The following KCNMB2 variants were observed in gnomAD, a reference collection of about 807,000 sequenced individuals.
KCNMB2 encodes the protein potassium calcium-activated channel subfamily M regulatory beta subunit 2.
A neutral mutation model predicts 24.5 loss-of-function variants in KCNMB2; 9 were observed. That is an observed-to-expected ratio of 0.37 (90% CI 0.22 to 0.64). The LOEUF is 0.64. Ranked by LOEUF, KCNMB2 falls within the 30% of genes least tolerant of loss-of-function variation. The probability of loss-of-function intolerance (pLI) is 0.63; values close to 1 mark genes in which losing one functional copy is unlikely to be tolerated. For missense variants in KCNMB2, 226 were observed against 284.3 expected (o/e 0.79, Z 1.47); for synonymous variants, 109 against 104.4 (o/e 1.04, Z -0.27).
intron 1 of KCNMB2, among the ~76,000 whole-genome samples, chr3:178,585,562 T>A (rs1044237759): frequency 6.6e-6 from 1 of 152,166 alleles, no homozygotes; most frequent in Non-Finnish European, 1.5e-5. Context: ...GGAAACAGAT[T>A]CCATGATCAG....
chr3:178,741,750 T>A (rs1439936388), intron 1 of KCNMB2, among the ~76,000 whole-genome samples: 1 of 152,232 alleles, frequency 6.6e-6, no homozygotes, highest in Non-Finnish European at 1.5e-5. Flanking sequence ...CCCAGCCTAG[T>A]GTGTAGTCTG....
intron 1 of KCNMB2, among the ~76,000 whole-genome samples, chr3:178,699,378 T>A (rs1411728207): frequency 2.0e-5 from 3 of 152,102 alleles, no homozygotes; most frequent in African/African-American, 7.2e-5. Flanking sequence ...GGCAAAGTAA[T>A]GCAAAACCCA....
chr3:178,588,147 G>GC (rs1323765937), intron 1 of KCNMB2, among the ~76,000 whole-genome samples: 9 of 151,970 alleles, frequency 5.9e-5, no homozygotes, highest in Non-Finnish European at 1.3e-4. Flanking sequence ...AGGTAACAGA[G>GC]CACCTGTACA....
intron 1 of KCNMB2, among the ~76,000 whole-genome samples, chr3:178,599,760 G>A (rs1029007238): frequency 1.3e-5 from 2 of 152,014 alleles, no homozygotes; most frequent in Non-Finnish European, 2.9e-5. Context: ...CACACAACTC[G>A]TTTCCCTCTC....
At chr3:178,828,491 T>C in intron 4 of KCNMB2, 118 bp downstream of exon 4, 1 of 671,316 alleles carries the variant, frequency 1.5e-6, no homozygotes. Context: ...AAGCAGAGCC[T>C]GCCTCTTCCA....
At chr3:178,767,800 G>T (rs550268707) in intron 1 of KCNMB2, among the ~76,000 whole-genome samples, 1 of 152,212 alleles carries the variant, frequency 6.6e-6, no homozygotes, top group East Asian at 1.9e-4. Context: ...CTCATTCAAG[G>T]CCAACCTGAC....
At chr3:178,574,402 T>C (rs1716916791) in intron 1 of KCNMB2, among the ~76,000 whole-genome samples, 1 of 152,252 alleles carries the variant, frequency 6.6e-6, no homozygotes, top group African/African-American at 2.4e-5. Flanking sequence ...TCTTTGCCTT[T>C]TAAGTATTTC....
chr3:178,610,645 T>C (rs1187961708), intron 1 of KCNMB2, among the ~76,000 whole-genome samples: 1 of 152,246 alleles, frequency 6.6e-6, no homozygotes, highest in Non-Finnish European at 1.5e-5. Context: ...AATAGTTTTC[T>C]TGTGGAGTCT....
At chr3:178,553,498 T>C (rs1470018385) in intron 1 of KCNMB2, among the ~76,000 whole-genome samples, 1 of 150,468 alleles carries the variant, frequency 6.6e-6, no homozygotes, top group African/African-American at 2.4e-5. Flanking sequence ...GGAATGTCAC[T>C]CAGCACTGAG....
At chr3:178,559,412 A>C (rs1025949804) in intron 1 of KCNMB2, among the ~76,000 whole-genome samples, 3 of 152,188 alleles carry the variant, frequency 2.0e-5, no homozygotes, top group African/African-American at 7.2e-5. Flanking sequence ...CAAGTATTTT[A>C]CTATGAGAAT....
intron 1 of KCNMB2, among the ~76,000 whole-genome samples, chr3:178,760,411 A>ATT (rs1229131681): frequency 7.1e-6 from 1 of 140,588 alleles, no homozygotes; most frequent in Non-Finnish European, 1.5e-5. Context: ...AGATATATAT[A>ATT]TTATATATAT....
At chr3:178,542,668 G>T (rs1008904213) in intron 1 of KCNMB2, among the ~76,000 whole-genome samples, 3 of 152,112 alleles carry the variant, frequency 2.0e-5, no homozygotes, top group Non-Finnish European at 4.4e-5. Flanking sequence ...AGAATCTAAA[G>T]AATAGAATTT....
intron 1 of KCNMB2, among the ~76,000 whole-genome samples, chr3:178,744,531 T>C (rs1242620534): frequency 6.6e-6 from 1 of 152,216 alleles, no homozygotes; most frequent in African/African-American, 2.4e-5. Flanking sequence ...AGGTGGATGA[T>C]GGTGACCAAA....
intron 1 of KCNMB2, among the ~76,000 whole-genome samples, chr3:178,738,285 C>T (rs954747272): frequency 3.3e-5 from 5 of 152,158 alleles, no homozygotes; most frequent in African/African-American, 7.2e-5. Flanking sequence ...TCCCAGCCAC[C>T]GGCATCTCCA....
intron 1 of KCNMB2, among the ~76,000 whole-genome samples, chr3:178,732,267 G>A (rs1723177692): frequency 1.3e-5 from 2 of 152,266 alleles, no homozygotes; most frequent in South Asian, 2.1e-4. Context: ...CTAATCTACA[G>A]TAGGTTTTTA....
intron 1 of KCNMB2, among the ~76,000 whole-genome samples, chr3:178,581,935 T>C (rs1717222749): frequency 1.3e-5 from 2 of 152,216 alleles, no homozygotes; most frequent in South Asian, 4.1e-4. Flanking sequence ...AGTTCAACCA[T>C]TGTGGAAGAC....
At chr3:178,790,839 C>G (rs1237864219) in intron 1 of KCNMB2, among the ~76,000 whole-genome samples, 1 of 152,168 alleles carries the variant, frequency 6.6e-6, no homozygotes, top group Non-Finnish European at 1.5e-5. Flanking sequence ...ACTTCTACTG[C>G]ATCTTACCAA....
In KCNMB2 at chr3:178,603,570, GA is replaced by G. The variant is rs1363010412; in HGVS notation, c.-68+66860del. On this transcript the variant is annotated intron_variant, in intron 1 of 4. Coordinates refer to ENST00000452583, the MANE Select transcript of KCNMB2 (RefSeq NM_181361.3). ...TGCTCAAGAAATGAACAGAATAGAA[GA>G]GAACATTTCCAGGAGGAGATGATGC... is the stretch of plus-strand genomic sequence containing the variant. Among the ~76,000 whole-genome samples, 12 of 152,140 alleles carry G rather than the reference GA, an allele frequency of 7.9e-5. 1 individual carries two copies. Among genetic ancestry groups the G allele is most frequent in the Admixed American group, 7.9e-4 (12 of 15,264 alleles).
intron 1 of KCNMB2, among the ~76,000 whole-genome samples, chr3:178,756,494 CA>C (rs1335970787): frequency 6.6e-6 from 1 of 152,114 alleles, no homozygotes; most frequent in Non-Finnish European, 1.5e-5. Context: ...TATATTTTCA[CA>C]AATAATTATA....
Sources: allele counts gnomAD v4.1 joint callset (sites outside exome capture counted in the v4.1 genomes callset), GRCh38; gene constraint gnomAD v4.1.1; transcripts MANE v1.5; gene names NCBI Gene and HGNC (gene_info 2026-07-23, HGNC 2026-07-21).